The following TDRD5 variants were observed in gnomAD, a reference collection of about 807,000 sequenced individuals.
TDRD5 encodes tudor domain-containing protein 5.
TDRD5 carries 41 observed loss-of-function variants against 120.6 expected under a neutral mutation model. That is an observed-to-expected ratio of 0.34 (90% CI 0.26 to 0.44). TDRD5 has a LOEUF of 0.44. TDRD5 is among the 20% of genes least tolerant of loss of function. The probability of loss-of-function intolerance (pLI) is 1.00; values close to 1 mark genes in which losing one functional copy is unlikely to be tolerated. For synonymous variants in TDRD5, 430 were observed against 433.7 expected, an observed-to-expected ratio of 0.99 and a Z score of 0.11; for missense variants, 1,006 against 1,221.2, an observed-to-expected ratio of 0.82 and a Z score of 2.63.
chr1:179,663,398 T>C lies in TDRD5; in HGVS notation c.2556T>C (p.Pro852=), dbSNP rs538503439. ...PKDTWDDSWQ[P]SGLVNGTKVE... ...ATACATGGGATGATTCTTGGCAGCC[T>C]TCAGGCCTTGTAAATGGAACGAAAG... is the stretch of plus-strand genomic sequence containing the variant. Residue 852 remains proline (P), a synonymous_variant, in exon 16 of 18, where the codon CCT becomes CCC. Transcript: ENST00000444136. 6.2e-7 allele frequency: 1 copy of C among 1,613,846 alleles called. No homozygotes were observed. Among genetic ancestry groups the C allele is most frequent in the Admixed American group, 1.7e-5 (1 of 59,974 alleles).
chr1:179,687,011 T>G (rs1680758976), intron 17 of TDRD5, among the ~76,000 whole-genome samples: 1 of 152,186 alleles, frequency 6.6e-6, no homozygotes, highest in South Asian at 2.1e-4. Flanking sequence ...ATTCATTGAT[T>G]TTTTGAAGGG....
At chr1:179,642,618 A>G (rs1678115986) in intron 11 of TDRD5, among the ~76,000 whole-genome samples, 1 of 152,128 alleles carries the variant, frequency 6.6e-6, no homozygotes, top group South Asian at 2.1e-4. Context: ...ATGCTTTATC[A>G]CTATCTGATA....
rs557532738 is a variant in TDRD5, at chr1:179,661,388, GTT to G, written c.2323-710_2323-709del. On this transcript the variant is annotated intron_variant, in intron 14 of 17. Coordinates refer to ENST00000444136, the MANE Select transcript of TDRD5 (RefSeq NM_001199085.3). Reference sequence around the variant, plus strand: ...AGTTTTTTGTTTGGTTGTTTTTTTTGTTTTTTTCCCCCCAATCTTTTTTTCTC... The same window carrying G: ...AGTTTTTTGTTTGGTTGTTTTTTTTGTTTTTCCCCCCAATCTTTTTTTCTC... 2.3e-3 allele frequency among the ~76,000 whole-genome samples: 335 copies of G among 144,796 alleles called. 6 individuals are homozygous for G. Among genetic ancestry groups the G allele is most frequent in the African/African-American group, 7.9e-3 (316 of 39,880 alleles). 95.0% of individuals were successfully genotyped at this position (144,796 alleles called of 152,430 possible). A position where few individuals can be genotyped will look rare whatever the true frequency, so the allele number is the denominator to read the frequency against.
intron 17 of TDRD5, among the ~76,000 whole-genome samples, chr1:179,687,657 A>G (rs1386445983): frequency 6.7e-6 from 1 of 150,298 alleles, no homozygotes; most frequent in East Asian, 1.9e-4. Flanking sequence ...AAAGTCTCCC[A>G]TTATTATTGT....
At chr1:179,660,106 T>C in intron 14 of TDRD5, among the ~76,000 whole-genome samples, 1 of 152,124 alleles carries the variant, frequency 6.6e-6, no homozygotes, top group African/African-American at 2.4e-5. Context: ...GATCTGCCAT[T>C]TTATTTTTCT....
intron 17 of TDRD5, among the ~76,000 whole-genome samples, chr1:179,687,296 A>G (rs1432313921): frequency 1.3e-5 from 2 of 152,180 alleles, no homozygotes; most frequent in African/African-American, 4.8e-5. Flanking sequence ...TCATTTTGTT[A>G]TGTACCCAGT....
intron 7 of TDRD5, among the ~76,000 whole-genome samples, chr1:179,633,869 A>C (rs1489268805): frequency 6.6e-6 from 1 of 151,952 alleles, no homozygotes; most frequent in East Asian, 1.9e-4. Flanking sequence ...TTAAGTCTTT[A>C]ACTAAAGTTT....
At chr1:179,626,980 A>C (rs1261702228) in intron 6 of TDRD5, among the ~76,000 whole-genome samples, 1 of 152,194 alleles carries the variant, frequency 6.6e-6, no homozygotes. Context: ...ACCAATATCA[A>C]ATTTCTGGAC....
intron 17 of TDRD5, among the ~76,000 whole-genome samples, chr1:179,689,826 C>G (rs1681018543): frequency 6.6e-6 from 1 of 152,338 alleles, no homozygotes. Flanking sequence ...GTGAGTGAGG[C>G]TCCGTGGGCG....
At chr1:179,669,865 T>C (rs1679764663) in intron 17 of TDRD5, among the ~76,000 whole-genome samples, 1 of 152,254 alleles carries the variant, frequency 6.6e-6, no homozygotes, top group East Asian at 1.9e-4. Context: ...TCTGGCTGGC[T>C]TCTTTCACTT....
At chr1:179,681,659 G>A (rs1430059826) in intron 17 of TDRD5, among the ~76,000 whole-genome samples, 3 of 152,002 alleles carry the variant, frequency 2.0e-5, no homozygotes, top group East Asian at 3.9e-4. Context: ...CTGTTATAGC[G>A]TGAAAACAGC....
At chr1:179,659,158 A>C (rs967814255) in intron 14 of TDRD5, among the ~76,000 whole-genome samples, 2 of 152,186 alleles carry the variant, frequency 1.3e-5, no homozygotes, top group African/African-American at 4.8e-5. Flanking sequence ...TTTTGTCAAC[A>C]CAGGATGTGG....
intron 17 of TDRD5, among the ~76,000 whole-genome samples, chr1:179,673,171 G>A (rs1300675699): frequency 2.0e-5 from 3 of 152,100 alleles, no homozygotes; most frequent in Non-Finnish European, 4.4e-5. Flanking sequence ...ATCTGAATTT[G>A]TGGATTGCTT....
intron 16 of TDRD5, among the ~76,000 whole-genome samples, chr1:179,668,240 C>T (rs1358931593): frequency 1.3e-5 from 2 of 152,184 alleles, no homozygotes; most frequent in African/African-American, 4.8e-5. Context: ...CAAACCCTGG[C>T]CTTTTTGTCC....
chr1:179,643,434 C>A (rs748870654), intron 11 of TDRD5, among the ~76,000 whole-genome samples: 6 of 152,100 alleles, frequency 3.9e-5, no homozygotes, highest in Non-Finnish European at 8.8e-5. Context: ...GACTTTAAAG[C>A]AGCTATTGTG....
At chr1:179,631,861 T>TTG (rs1332838221) in intron 7 of TDRD5, among the ~76,000 whole-genome samples, 2 of 149,750 alleles carry the variant, frequency 1.3e-5, no homozygotes, top group Admixed American at 1.3e-4. Context: ...ATTTTTTTTT[T>TTG]TTTTTTTTTT....
intron 16 of TDRD5, among the ~76,000 whole-genome samples, chr1:179,665,519 T>C (rs1679513441): frequency 6.6e-6 from 1 of 152,314 alleles, no homozygotes; most frequent in African/African-American, 2.4e-5. Context: ...ATGAATTGTC[T>C]TGGCATCCTT....
At chr1:179,640,922 C>T (rs1174825023) in intron 11 of TDRD5, among the ~76,000 whole-genome samples, 2 of 152,092 alleles carry the variant, frequency 1.3e-5, no homozygotes, top group Non-Finnish European at 1.5e-5. Flanking sequence ...TGAACATTGT[C>T]GTCCTTTAGA....
Position 179,595,744 on chromosome 1 carries a change from A to G in TDRD5, c.757A>G (p.Met253Val). The G allele has an allele frequency of 1.2e-6, 2 of 1,613,986 alleles. No homozygotes were observed. Among genetic ancestry groups the G allele is most frequent in the Non-Finnish European group, 1.7e-6 (2 of 1,179,876 alleles). ...TSNMEPPKQI[M>V]SMEKTSKLNV... ...AAACATGGAACCACCGAAGCAAATA[A>G]TGAGCATGGAAAAGACTTCCAAGTT... is the stretch of plus-strand genomic sequence containing the variant. The change falls in exon 4 of 18, where the codon ATG becomes GTG. Residue 253 changes from methionine to valine, a missense_variant. Coordinates refer to ENST00000444136, the MANE Select transcript of TDRD5 (RefSeq NM_001199085.3).
Sources: allele counts gnomAD v4.1 joint callset (sites outside exome capture counted in the v4.1 genomes callset), GRCh38; gene constraint gnomAD v4.1.1; transcripts MANE v1.5; gene names NCBI Gene and HGNC (gene_info 2026-07-23, HGNC 2026-07-21).